Variants in HERC3 observed in about 807,000 individuals in gnomAD.
The protein encoded by HERC3 is HECT and RLD domain containing E3 ubiquitin protein ligase 3, also known as probable E3 ubiquitin-protein ligase HERC3.
A neutral mutation model predicts 129.9 loss-of-function variants in HERC3; 58 were observed. That is an observed-to-expected ratio of 0.45 (90% CI 0.36 to 0.56). The LOEUF is 0.56. Ranked by LOEUF, HERC3 falls within the 20% of genes least tolerant of loss-of-function variation. The pLI is 0.00. For synonymous variants in HERC3, 430 were observed against 451.0 expected (o/e 0.95, Z 0.59); for missense variants, 835 against 1,244.2 (o/e 0.67, Z 4.95).
At chr4:88,555,831 A>T in the HERC3 span, among the ~76,000 whole-genome samples, 1 of 152,212 alleles carries the variant, frequency 6.6e-6, no homozygotes, top group Non-Finnish European at 1.5e-5. Context: ...AGAGAGGAGA[A>T]TTATAGTGAA....
chr4:88,543,999 C>T, the HERC3 span, among the ~76,000 whole-genome samples: 28 of 152,298 alleles, frequency 1.8e-4, no homozygotes, highest in African/African-American at 6.0e-4. Context: ...CCATTCAGGA[C>T]ATAGGCATGG....
intron 3 of HERC3, among the ~76,000 whole-genome samples, chr4:88,612,289 CTGTGTGTGTG>C (rs3220740): frequency 8.0e-4 from 114 of 141,704 alleles, no homozygotes; most frequent in Non-Finnish European, 1.3e-3. Flanking sequence ...ATGTGACCAA[CTGTGTGTGTG>C]TGTGTGTGTG....
chr4:88,693,771 C>G (rs192352107), intron 23 of HERC3: 2 of 672,936 alleles, frequency 3.0e-6, no homozygotes, highest in Non-Finnish European at 3.7e-6. Context: ...CAGTTTTCTG[C>G]GTAATACTCA....
the HERC3 span, among the ~76,000 whole-genome samples, chr4:88,586,890 A>C: frequency 2.4e-4 from 36 of 152,246 alleles, no homozygotes; most frequent in African/African-American, 8.7e-4. Flanking sequence ...ATGATATAAG[A>C]AAGTTAAAAT....
intron 24 of HERC3, 57 bp from the exon 25 acceptor site, chr4:88,704,451 T>C: frequency 7.8e-7 from 1 of 1,282,066 alleles, no homozygotes; most frequent in East Asian, 2.3e-5. Flanking sequence ...TGATATATAA[T>C]GTCCACTATA....
At chr4:88,559,524 T>C in the HERC3 span, among the ~76,000 whole-genome samples, 1 of 152,244 alleles carries the variant, frequency 6.6e-6, no homozygotes, top group Non-Finnish European at 1.5e-5. Context: ...ATTCCAGATA[T>C]AAGTGAGATC....
At chr4:88,621,602 T>C (rs1022499187) in intron 3 of HERC3, among the ~76,000 whole-genome samples, 5 of 152,234 alleles carry the variant, frequency 3.3e-5, no homozygotes, top group Non-Finnish European at 5.9e-5. Flanking sequence ...CACACAGTTT[T>C]TGCTGTCAGG....
At chr4:88,570,812 A>T in the HERC3 span, among the ~76,000 whole-genome samples, 1 of 151,392 alleles carries the variant, frequency 6.6e-6, no homozygotes, top group African/African-American at 2.4e-5. Context: ...TCACTCTGTC[A>T]CCCAGGCTTG....
intron 16 of HERC3, among the ~76,000 whole-genome samples, chr4:88,671,092 C>T (rs1258192990): frequency 6.6e-6 from 1 of 152,090 alleles, no homozygotes; most frequent in Non-Finnish European, 1.5e-5. Context: ...GGATTCCTGC[C>T]TACCACCTCT....
Position 88,605,928 on chromosome 4 carries a change from T to C in HERC3, c.105T>C (p.Ser35=). The change falls in exon 3 of 26, where the codon AGT becomes AGC. Residue 35 remains serine, a synonymous_variant. Coordinates refer to ENST00000402738, the MANE Select transcript of HERC3 (RefSeq NM_014606.3). The part of the protein sequence containing the change: ...PQVCGFISDR[S]VKEVACGGNH... ...TGTGTGGGTTCATATCTGACAGAAG[T>C]GTCAAGGAAGTGGCCTGTGGGGGAA... The C allele has an allele frequency of 6.2e-7, 1 of 1,614,104 alleles. No homozygotes were observed. The highest frequency in any genetic ancestry group is 8.5e-7 in the Non-Finnish European group (1 of 1,180,022).
the HERC3 span, among the ~76,000 whole-genome samples, chr4:88,559,847 C>T: frequency 1.6e-3 from 239 of 152,198 alleles, 2 homozygotes; most frequent in African/African-American, 5.6e-3. Context: ...TTTTTAATTT[C>T]TTTAGAAACC....
chr4:88,671,051 C>T (rs562287302), intron 16 of HERC3, among the ~76,000 whole-genome samples: 43 of 151,902 alleles, frequency 2.8e-4, no homozygotes, highest in Admixed American at 5.9e-4. Context: ...GCTGTCTCAC[C>T]GTATTTTAGA....
chr4:88,676,943 C>A (rs999994623), intron 18 of HERC3, among the ~76,000 whole-genome samples: 1 of 152,072 alleles, frequency 6.6e-6, no homozygotes, highest in African/African-American at 2.4e-5. Context: ...AGTTCAAGAC[C>A]AGCCTGGCCA....
chr4:88,645,682 A>T (rs1728616032), intron 3 of HERC3, among the ~76,000 whole-genome samples: 1 of 152,142 alleles, frequency 6.6e-6, no homozygotes, highest in Admixed American at 6.5e-5. Flanking sequence ...GGACAAAGGG[A>T]TGGTTCATGT....
chr4:88,655,587 T>C (rs1197229705), intron 8 of HERC3, among the ~76,000 whole-genome samples: 1 of 152,148 alleles, frequency 6.6e-6, no homozygotes, highest in Non-Finnish European at 1.5e-5. Flanking sequence ...CCCAAAGAAC[T>C]TCTTGGAAAT....
intron 3 of HERC3, among the ~76,000 whole-genome samples, chr4:88,640,224 G>T (rs1437487999): frequency 2.0e-5 from 3 of 152,162 alleles, no homozygotes; most frequent in Admixed American, 1.3e-4. Context: ...CCATTACTGG[G>T]TATATACCCA....
At chr4:88,646,366 G>A (rs1728691519) in intron 3 of HERC3, among the ~76,000 whole-genome samples, 1 of 152,206 alleles carries the variant, frequency 6.6e-6, no homozygotes, top group African/African-American at 2.4e-5. Context: ...CAGCTGAACG[G>A]CAGACTTGCT....
chr4:88,542,944 A>C, the HERC3 span, among the ~76,000 whole-genome samples: 1 of 152,212 alleles, frequency 6.6e-6, no homozygotes, highest in African/African-American at 2.4e-5. Context: ...ATCTCAAAAT[A>C]ATAAGAGCTA....
intron 3 of HERC3, among the ~76,000 whole-genome samples, chr4:88,629,639 A>G (rs574836083): frequency 1.3e-5 from 2 of 152,364 alleles, no homozygotes; most frequent in East Asian, 1.9e-4. Context: ...TAAAGTTTGT[A>G]CTGATAGATA....
Sources: gnomAD v4.1 joint callset for allele counts (sites outside exome capture counted in the v4.1 genomes callset) on GRCh38, gnomAD v4.1.1 for gene constraint, MANE v1.5 for transcripts, NCBI Gene and HGNC (gene_info 2026-07-23, HGNC 2026-07-21) for gene names.